The following ZFP41 variants were observed in gnomAD, a reference collection of about 807,000 sequenced individuals.
ZFP41 encodes ZFP41 zinc finger protein.
ZFP41 carries 10 observed loss-of-function variants against 11.6 expected under a neutral mutation model. The observed-to-expected ratio is 0.86, with a 90% confidence interval of 0.53 to 1.47. The LOEUF is 1.47. Ranked by LOEUF, ZFP41 falls within the 40% of genes most tolerant of loss-of-function variation. The probability of loss-of-function intolerance (pLI) is 0.00; values close to 1 mark genes in which losing one functional copy is unlikely to be tolerated. For synonymous variants in ZFP41, 123 were observed against 100.9 expected (o/e 1.22, Z -1.31); for missense variants, 302 against 264.6 (o/e 1.14, Z -0.98).
At chr8:143,252,329 C>T (rs977066741) in intron 2 of ZFP41, among the ~76,000 whole-genome samples, 3 of 152,248 alleles carry the variant, frequency 2.0e-5, no homozygotes, top group East Asian at 1.9e-4. Context: ...GGGCTGGCTG[C>T]GGACCCAGGC....
Position 143,249,747 on chromosome 8 carries a change from AGT to A in ZFP41, c.-93_-92del, listed in dbSNP as rs1479874312. 14 of 1,484,668 alleles carry A rather than the reference AGT, an allele frequency of 9.4e-6. No homozygotes were observed. In the Admixed American group the frequency reaches 3.2e-4, roughly 34 times the overall value. 92.0% of individuals were successfully genotyped at this position (1,484,668 alleles called of 1,614,324 possible). ...TGCAGAGCATCAGTCCCACGCTGGGAGTGTGGAGAGGTGCGTGGGAAGCAAGC... is the reference window on the plus strand; with the variant it reads ...TGCAGAGCATCAGTCCCACGCTGGGAGTGGAGAGGTGCGTGGGAAGCAAGC... On this transcript the variant is annotated 5_prime_UTR_variant, in exon 2 of 3. An upstream open reading frame in the 5' UTR loses its in-frame stop. Transcript: ENST00000330701.
rs887151038 is a variant in ZFP41, at chr8:143,246,965, G to A, written c.-332G>A. ...TTTCCTGCCGGTGCCTAGGGCCGAC[G>A]GGGACGCTGGCACTGGTGGGGAGCT... On this transcript the variant is annotated 5_prime_UTR_variant, in exon 1 of 3. Transcript: ENST00000330701. The A allele has an allele frequency of 5.2e-5, 8 of 152,418 alleles. No homozygotes were observed. The highest frequency in any genetic ancestry group is 1.0e-4 in the Non-Finnish European group (7 of 68,174). The allele number at this position is 152,418 out of a possible 1,614,324, so 9.4% of individuals were successfully genotyped here.
At position 143,249,866 on chromosome 8, in the gene ZFP41, A is replaced by T. The variant is rs776952690; in HGVS notation, c.23A>T (p.Lys8Ile). The T allele has an allele frequency of 1.4e-5, 22 of 1,598,684 alleles. No individual in the cohort carries two copies. The Admixed American group carries it at 4.0e-4, about 29-fold the overall frequency. Residue 8 changes from lysine to isoleucine, a missense_variant, in exon 2 of 3, where the codon AAA becomes ATA. Transcript: ENST00000330701. Reference sequence around the variant, plus strand: ...ATGATGGAGAAGCCTGCAGGCAGAAAAAAGAAGACGCCGACCCCAAGGGAG... The same window carrying T: ...ATGATGGAGAAGCCTGCAGGCAGAATAAAGAAGACGCCGACCCCAAGGGAG... MEKPAGR[K>I]KKTPTPREEA...
intron 2 of ZFP41, among the ~76,000 whole-genome samples, chr8:143,255,677 TAGTG>T (rs1311908134): frequency 7.3e-6 from 1 of 136,646 alleles, no homozygotes; most frequent in African/African-American, 2.8e-5. Flanking sequence ...GTGCTGGAGT[TAGTG>T]AGATCAGGGC....
intron 1 of ZFP41, 107 bp from the exon 2 acceptor site, chr8:143,249,583 G>A: frequency 2.4e-6 from 1 of 418,868 alleles, no homozygotes; most frequent in Non-Finnish European, 4.1e-6. Flanking sequence ...AATGCCGTTT[G>A]AGACACTCTT....
chr8:143,252,786 G>A (rs916960936), intron 2 of ZFP41: 1 of 227,412 alleles, frequency 4.4e-6, no homozygotes, highest in Non-Finnish European at 7.3e-6. Context: ...CAGCATGGGG[G>A]TGAGGGGGTG....
At chr8:143,254,149 T>TA (rs1239607176) in intron 2 of ZFP41, among the ~76,000 whole-genome samples, 1 of 152,084 alleles carries the variant, frequency 6.6e-6, no homozygotes, top group East Asian at 1.9e-4. Context: ...ACTCCTGCAT[T>TA]AAAGAGCCTG....
Position 143,260,566 on chromosome 8 carries a change from G to T in ZFP41, c.*1692G>T. The stretch of plus-strand genomic sequence containing the variant: ...CAACCCAGAAACTTCTCAGGAGCAT[G>T]GCGCACCCACACCAGCCCCGGGCTC... On this transcript the variant is annotated 3_prime_UTR_variant, in exon 3 of 3. Coordinates refer to ENST00000330701, the MANE Select transcript of ZFP41 (RefSeq NM_173832.6). The T allele has an allele frequency of 5.9e-6, 1 of 168,148 alleles. No individual in the cohort carries two copies. Among genetic ancestry groups the T allele is most frequent in the Non-Finnish European group, 1.3e-5 (1 of 76,954 alleles). The allele number at this position is 168,148 out of a possible 1,614,324, so 10.4% of individuals were successfully genotyped here.
chr8:143,260,067 G>T lies in ZFP41; in HGVS notation c.*1193G>T, dbSNP rs1815003840. ...GCAGGGAAGCACCCTGTGAAATCGT[G>T]CAGGGAAGCACCCTGTGAAGTCGTG... On this transcript the variant is annotated 3_prime_UTR_variant, in exon 3 of 3. Coordinates refer to ENST00000330701, the MANE Select transcript of ZFP41 (RefSeq NM_173832.6). 6.5e-6 allele frequency: 1 copy of T among 153,658 alleles called. No individual in the cohort carries two copies. Among genetic ancestry groups the T allele is most frequent in the African/African-American group, 2.5e-5 (1 of 40,500 alleles). 9.5% of individuals were successfully genotyped at this position (153,658 alleles called of 1,614,324 possible).
At position 143,249,695 on chromosome 8, in the gene ZFP41, A is replaced by G. The variant is rs1816758359; in HGVS notation, c.-149A>G. 1 of 1,290,528 alleles carries G rather than the reference A, an allele frequency of 7.7e-7. No homozygotes were observed. The highest frequency in any genetic ancestry group is 2.9e-5 in the Admixed American group (1 of 34,396). The allele number at this position is 1,290,528 out of a possible 1,614,324, so 79.9% of individuals were successfully genotyped here. A position where few individuals can be genotyped will look rare whatever the true frequency, so the allele number is the denominator to read the frequency against. The stretch of plus-strand genomic sequence containing the variant: ...ATGTTCTTGCTTCTCCCCAGCACCA[A>G]GAGGATGGTGGCCCTTGGCCTCCTG... On this transcript the variant is annotated 5_prime_UTR_variant, in exon 2 of 3. Coordinates refer to ENST00000330701, the MANE Select transcript of ZFP41 (RefSeq NM_173832.6).
intron 2 of ZFP41, among the ~76,000 whole-genome samples, chr8:143,258,245 C>T (rs1464545965): frequency 6.6e-6 from 1 of 152,200 alleles, no homozygotes; most frequent in Non-Finnish European, 1.5e-5. Context: ...CAGTTGAGCC[C>T]AGGAGGTTGA....
chr8:143,259,489 A>G (rs1708146662), intron 2 of ZFP41, among the ~76,000 whole-genome samples: 1 of 152,040 alleles, frequency 6.6e-6, no homozygotes, highest in African/African-American at 2.4e-5. Flanking sequence ...CACATCTGAC[A>G]CCCTCCCACC....
Position 143,250,306 on chromosome 8 carries a change from G to A in ZFP41, c.463G>A (p.Gly155Ser), listed in dbSNP as rs777524757. 20 of 1,613,832 alleles carry A rather than the reference G, an allele frequency of 1.2e-5. No individual in the cohort carries two copies. The highest frequency in any genetic ancestry group is 1.5e-5 in the Non-Finnish European group (18 of 1,180,018). ...GGAGTGCGGGAAAGCCTTTAACTGCGGCTCCAATCTCCTGAAACATCAGAA... is the reference window on the plus strand; with the variant it reads ...GGAGTGCGGGAAAGCCTTTAACTGCAGCTCCAATCTCCTGAAACATCAGAA... ...CGECGKAFNC[G>S]SNLLKHQKTH... is the part of the protein sequence containing the mutation. The change falls in exon 2 of 3, where the codon GGC becomes AGC. Residue 155 changes from glycine to serine, a missense_variant. Coordinates refer to ENST00000330701, the MANE Select transcript of ZFP41 (RefSeq NM_173832.6).
chr8:143,258,837 G>A (rs2130720423), intron 2 of ZFP41, among the ~76,000 whole-genome samples: 1 of 152,316 alleles, frequency 6.6e-6, no homozygotes, highest in African/African-American at 2.4e-5. Context: ...CCAATTCTGT[G>A]CCCCACAGCG....
Position 143,251,191 on chromosome 8 carries a change from T to G in ZFP41, c.*751T>G, listed in dbSNP as rs1479854627. On this transcript the variant is annotated 3_prime_UTR_variant, in exon 2 of 3. Transcript: ENST00000330701. ...CTTGGGACAAAGGTTCCTCAGGACCTTGGACACCACCACCTGCTGAGCTTC... is the reference window on the plus strand; with the variant it reads ...CTTGGGACAAAGGTTCCTCAGGACCGTGGACACCACCACCTGCTGAGCTTC... 1 of 167,336 alleles carries G rather than the reference T, an allele frequency of 6.0e-6. No homozygotes were observed. Among genetic ancestry groups the G allele is most frequent in the African/African-American group, 2.4e-5 (1 of 41,484 alleles). The allele number at this position is 167,336 out of a possible 1,614,324, so 10.4% of individuals were successfully genotyped here.
intron 2 of ZFP41, among the ~76,000 whole-genome samples, chr8:143,256,099 C>T (rs1396652124): frequency 1.6e-5 from 1 of 61,648 alleles, no homozygotes; most frequent in Non-Finnish European, 2.9e-5. Flanking sequence ...GAGATCAGGG[C>T]TCGCCCCGCG....
chr8:143,260,592 C>T lies in ZFP41; in HGVS notation c.*1718C>T, dbSNP rs900285531. 8 of 174,886 alleles carry T rather than the reference C, an allele frequency of 4.6e-5. No homozygotes were observed. The highest frequency in any genetic ancestry group is 1.7e-4 in the South Asian group (2 of 11,434). 10.8% of individuals were successfully genotyped at this position (174,886 alleles called of 1,614,324 possible). On this transcript the variant is annotated 3_prime_UTR_variant, in exon 3 of 3. Coordinates refer to ENST00000330701, the MANE Select transcript of ZFP41 (RefSeq NM_173832.6). ...GCGCACCCACACCAGCCCCGGGCTC[C>T]GCCTGGACAGCACCTCCTGGGCCGC...
Position 143,250,369 on chromosome 8 carries a change from T to G in ZFP41, c.526T>G (p.Cys176Gly). Residue 176 changes from cysteine to glycine, a missense_variant, in exon 2 of 3, where the codon TGT becomes GGT. By Grantham distance (159) the Cys-to-Gly change is radical. Coordinates refer to ENST00000330701, the MANE Select transcript of ZFP41 (RefSeq NM_173832.6). Reference protein sequence around the residue: ...TGEKPYECTHCGKAFAYSSCL... With the variant: ...TGEKPYECTHGGKAFAYSSCL... ...GGAGAAGCCCTACGAATGCACGCAC[T>G]GTGGGAAAGCCTTTGCCTACAGCTC... 6.2e-7 allele frequency: 1 copy of G among 1,613,986 alleles called. No individual in the cohort carries two copies. The highest frequency in any genetic ancestry group is 8.5e-7 in the Non-Finnish European group (1 of 1,180,018).
rs139727467 is a variant in ZFP41, at chr8:143,250,204, G to A, written c.361G>A (p.Gly121Arg). 66 of 1,613,920 alleles carry A rather than the reference G, an allele frequency of 4.1e-5. No individual in the cohort carries two copies. The highest frequency in any genetic ancestry group is 1.6e-4 in the East Asian group (7 of 44,880). The change falls in exon 2 of 3, where the codon GGG becomes AGG. Residue 121 changes from glycine (G) to arginine (R), a missense_variant. Physicochemically the swap from Gly to Arg is moderately radical, Grantham distance 125. Coordinates refer to ENST00000330701, the MANE Select transcript of ZFP41 (RefSeq NM_173832.6). ...GAAGCCCTTCAAGTGTGCGCAGTGC[G>A]GGAAGGCCTTCCGGCACAGCTCTGA... ...GEKPFKCAQC[G>R]KAFRHSSDVT...
Sources: allele counts gnomAD v4.1 joint callset (sites outside exome capture counted in the v4.1 genomes callset), GRCh38; gene constraint gnomAD v4.1.1; transcripts MANE v1.5; gene names NCBI Gene and HGNC (gene_info 2026-07-23, HGNC 2026-07-21).